CCDC39: variants seen among roughly 807,000 people sequenced by gnomAD.
CCDC39 encodes the protein coiled-coil domain 39 molecular ruler complex subunit.
CCDC39 carries 113 observed loss-of-function variants against 121.0 expected under a neutral mutation model. The observed-to-expected ratio is 0.93, with a 90% CI of 0.80 to 1.09. The LOEUF is 1.09. Among genes scored for constraint, CCDC39 ranks in the 50% least tolerant of loss-of-function variants. CCDC39 has a pLI of 0.00. For missense variants in CCDC39, 1,063 were observed against 1,074.7 expected (o/e 0.99, Z 0.15); for synonymous variants, 349 against 352.2 (o/e 0.99, Z 0.10).
Position 180,654,889 on chromosome 3 carries a change from A to C in CCDC39, c.803T>G (p.Phe268Cys). 6.3e-7 allele frequency: 1 copy of C among 1,591,984 alleles called. No homozygotes were observed. The highest frequency in any genetic ancestry group is 8.5e-7 in the Non-Finnish European group (1 of 1,172,116). The change falls in exon 7 of 20, where the codon TTT (phenylalanine) becomes TGT (cysteine). Residue 268 changes from phenylalanine (F) to cysteine (C), a missense_variant. Physicochemically the swap from Phe to Cys is radical, Grantham distance 205 (BLOSUM62 -2). Transcript: ENST00000476379. ...GTTATTCCCAATCTCACTTTCCAAA[A>C]ACTTGATCTTTTCTTTAACCAAATT... ...KENLVKEKIKFLESEIGNNTE... is the reference protein window; with the variant it reads ...KENLVKEKIKCLESEIGNNTE...
intron 14 of CCDC39, among the ~76,000 whole-genome samples, chr3:180,620,677 A>C (rs1387066573): frequency 6.6e-6 from 1 of 152,058 alleles, no homozygotes; most frequent in Admixed American, 6.6e-5. Flanking sequence ...TTTTTAGTCA[A>C]AATCACTAAT....
chr3:180,664,048 T>A, intron 1 of CCDC39, 62 bp from the exon 2 acceptor site: 1 of 1,429,532 alleles, frequency 7.0e-7, no homozygotes. Flanking sequence ...ATGAAGGACC[T>A]AAAATCAAAG....
In CCDC39 at chr3:180,616,851, G is replaced by A. The variant is rs7613155; in HGVS notation, c.2381C>T (p.Pro794Leu). 3.2e-5 allele frequency: 52 copies of A among 1,609,416 alleles called. No homozygotes were observed. The African/African-American group carries it at 5.3e-4, about 17-fold the overall frequency. Residue 794 changes from proline (P) to leucine (L), a missense_variant, in exon 17 of 20, where the codon CCA becomes CTA. Coordinates refer to ENST00000476379, the MANE Select transcript of CCDC39 (RefSeq NM_181426.2). The stretch of plus-strand genomic sequence containing the variant: ...CTGTTTGGTCACTCTTTCTAATTTT[G>A]GCTTCTGCTCCTCCGTTTCTTTACT... ...QLSKETEEQK[P>L]KLERVTKQCA...
intron 1 of CCDC39, among the ~76,000 whole-genome samples, chr3:180,678,934 C>T (rs1046590657): frequency 1.3e-5 from 2 of 152,086 alleles, no homozygotes; most frequent in Non-Finnish European, 2.9e-5. Context: ...CTCAGAAATT[C>T]TTTTCCAAGT....
In CCDC39 at chr3:180,652,165, T is replaced by C. The variant is rs770266466; in HGVS notation, c.1032A>G (p.Ala344=). 4 of 1,470,816 alleles carry C rather than the reference T, an allele frequency of 2.7e-6. No individual in the cohort carries two copies. The South Asian group carries it at 5.4e-5, about 20-fold the overall frequency. The allele number at this position is 1,470,816 out of a possible 1,614,324, so 91.1% of individuals were successfully genotyped here. A position where few individuals can be genotyped will look rare whatever the true frequency, so the allele number is the denominator to read the frequency against. Residue 344 remains alanine (A), a splice_region_variant and synonymous_variant, in exon 8 of 20, where the codon GCA becomes GCG. Transcript: ENST00000476379. ...TATTTAGATAGTTTTTTTCTTACCT[T>C]GCTGTTTCTTCATGAATGTCCTTCT... The part of the protein sequence containing the change: ...KIKKDIHEET[A]RLQKTKNHNE...
intron 1 of CCDC39, among the ~76,000 whole-genome samples, chr3:180,665,185 T>C (rs554356380): frequency 2.1e-4 from 32 of 152,240 alleles, no homozygotes; most frequent in Admixed American, 2.0e-3. Flanking sequence ...CTGACTCTTA[T>C]GTACCTAGAA....
At chr3:180,666,608 A>G (rs1162966610) in intron 1 of CCDC39, among the ~76,000 whole-genome samples, 36 of 152,194 alleles carry the variant, frequency 2.4e-4, no homozygotes, top group Non-Finnish European at 1.5e-4. Flanking sequence ...TATGCCATTT[A>G]TAATTGCATA....
intron 6 of CCDC39, among the ~76,000 whole-genome samples, chr3:180,655,284 G>A (rs369714827): frequency 1.6e-4 from 25 of 152,012 alleles, no homozygotes; most frequent in African/African-American, 5.5e-4. Flanking sequence ...GGAAAGCGGG[G>A]TTTCAATGAA....
intron 14 of CCDC39, among the ~76,000 whole-genome samples, chr3:180,625,669 A>C (rs969250380): frequency 6.6e-6 from 1 of 152,078 alleles, no homozygotes; most frequent in African/African-American, 2.4e-5. Context: ...CTCCTGAAGA[A>C]GTACATATGT....
chr3:180,664,209 C>G (rs1338604908), intron 1 of CCDC39, among the ~76,000 whole-genome samples: 1 of 152,184 alleles, frequency 6.6e-6, no homozygotes, highest in Non-Finnish European at 1.5e-5. Flanking sequence ...AAGGTGCCAA[C>G]TAATATGATT....
At chr3:180,633,744 T>C (rs761077698) in intron 13 of CCDC39, among the ~76,000 whole-genome samples, 2 of 152,160 alleles carry the variant, frequency 1.3e-5, no homozygotes, top group Non-Finnish European at 2.9e-5. Context: ...AATATTCTCC[T>C]GACCCAAAGG....
At chr3:180,637,365 G>A (rs756630704) in intron 13 of CCDC39, among the ~76,000 whole-genome samples, 6 of 152,066 alleles carry the variant, frequency 3.9e-5, no homozygotes, top group Non-Finnish European at 7.4e-5. Flanking sequence ...AAACCACAAC[G>A]AGATACCATC....
chr3:180,622,266 A>G (rs977494231), intron 14 of CCDC39, among the ~76,000 whole-genome samples: 5 of 152,102 alleles, frequency 3.3e-5, no homozygotes, highest in Non-Finnish European at 7.4e-5. Flanking sequence ...TTGATTTTGT[A>G]TCCCGAAACT....
At position 180,648,360 on chromosome 3, in the gene CCDC39, C is replaced by A; in HGVS notation, c.1168-1G>T. On this transcript the variant is annotated splice_acceptor_variant, in intron 9 of 19. Transcript: ENST00000476379. LOFTEE classifies it high-confidence loss of function. ...TGAGGTTCAGTTGAACATCTACTTCCTGATAATGAGAATTATAGTGATTAA... is the reference window on the plus strand; with the variant it reads ...TGAGGTTCAGTTGAACATCTACTTCATGATAATGAGAATTATAGTGATTAA... 1 of 1,531,902 alleles carries A rather than the reference C, an allele frequency of 6.5e-7. No homozygotes were observed. Among genetic ancestry groups the A allele is most frequent in the Non-Finnish European group, 8.8e-7 (1 of 1,136,252 alleles). The allele number at this position is 1,531,902 out of a possible 1,614,324, so 94.9% of individuals were successfully genotyped here.
chr3:180,670,428 T>C (rs538924408), intron 1 of CCDC39, among the ~76,000 whole-genome samples: 21 of 152,060 alleles, frequency 1.4e-4, no homozygotes, highest in African/African-American at 4.8e-4. Flanking sequence ...AAAAGAAAGG[T>C]CTTTATATCA....
intron 13 of CCDC39, 96 bp downstream of exon 13, chr3:180,641,897 A>T: frequency 1.2e-6 from 1 of 821,300 alleles, no homozygotes; most frequent in Non-Finnish European, 1.9e-6. Context: ...GAATGAGTAA[A>T]AACGATGCAC....
chr3:180,674,237 G>A (rs1229413501), intron 1 of CCDC39, among the ~76,000 whole-genome samples: 2 of 152,090 alleles, frequency 1.3e-5, no homozygotes, highest in Non-Finnish European at 2.9e-5. Context: ...TCTCTTTGAA[G>A]CAATTGTGAA....
Position 180,615,068 on chromosome 3 carries a change from C to A in CCDC39, c.2679G>T (p.Arg893Ser), listed in dbSNP as rs868096655. 1 of 1,528,478 alleles carries A rather than the reference C, an allele frequency of 6.5e-7. No individual in the cohort carries two copies. The highest frequency in any genetic ancestry group is 2.4e-5 in the East Asian group (1 of 41,424). 94.7% of individuals were successfully genotyped at this position (1,528,478 alleles called of 1,614,324 possible). ...ACTGAGAAGTAGATGTACTTGTACT[C>A]CTAGATGACCTAGAAGAAAAACCAG... ...SHTSLSARSSRSTSTSTSQSS... is the reference protein window; with the variant it reads ...SHTSLSARSSSSTSTSTSQSS... Residue 893 changes from arginine (R) to serine (S), a missense_variant, in exon 20 of 20, where the codon AGG becomes AGT. Arg to Ser is a moderately radical substitution (Grantham distance 110). Coordinates refer to ENST00000476379, the MANE Select transcript of CCDC39 (RefSeq NM_181426.2).
intron 1 of CCDC39, among the ~76,000 whole-genome samples, chr3:180,666,764 TTA>T (rs1303241022): frequency 2.0e-5 from 3 of 152,050 alleles, no homozygotes; most frequent in Non-Finnish European, 4.4e-5. Context: ...CACCAGATAT[TTA>T]TTGAAAACTT....
Sources: gnomAD v4.1 joint callset for allele counts (sites outside exome capture counted in the v4.1 genomes callset) on GRCh38, gnomAD v4.1.1 for gene constraint, MANE v1.5 for transcripts, NCBI Gene and HGNC (gene_info 2026-07-23, HGNC 2026-07-21) for gene names.